The following TMBIM6 variants were observed in gnomAD, a reference collection of about 807,000 sequenced individuals.
TMBIM6 encodes bax inhibitor 1.
A neutral mutation model predicts 31.4 loss-of-function variants in TMBIM6; 13 were observed. The ratio of observed to expected loss-of-function variants is 0.41; its 90% CI spans 0.27 to 0.66. TMBIM6 has a LOEUF of 0.66. Among genes scored for constraint, TMBIM6 ranks in the 30% least tolerant of loss-of-function variants. TMBIM6 has a pLI of 0.28. For missense variants in TMBIM6, 275 were observed against 289.5 expected (o/e 0.95, Z 0.36); for synonymous variants, 85 against 101.7 (o/e 0.84, Z 0.99).
intron 1 of TMBIM6, chr12:49,742,266 G>A: frequency 1.2e-6 from 2 of 1,604,530 alleles, no homozygotes; most frequent in Non-Finnish European, 1.7e-6. Flanking sequence ...TTTCGGATTG[G>A]TTACCTTTGG....
At chr12:49,755,544 C>A in intron 3 of TMBIM6, 91 bp from the exon 4 acceptor site, 1 of 1,501,382 alleles carries the variant, frequency 6.7e-7, no homozygotes, top group South Asian at 1.2e-5. Context: ...TTAGGAAGTT[C>A]AGACGAGTGT....
chr12:49,748,209 TTTTTG>T (rs578203978), intron 1 of TMBIM6, among the ~76,000 whole-genome samples: 8 of 152,208 alleles, frequency 5.3e-5, no homozygotes, highest in East Asian at 3.9e-4. Flanking sequence ...GCCTGTTTTT[TTTTTG>T]TTTTGTTTTG....
chr12:49,742,450 G>C (rs1246620801), intron 1 of TMBIM6: 2 of 931,708 alleles, frequency 2.1e-6, no homozygotes, highest in African/African-American at 3.5e-5. Context: ...TTACTACCCG[G>C]TGCCAGCCCG....
Position 49,764,723 on chromosome 12 carries a change from G to GAAAAAAAAAAAAAAAAAAAAAAAA in TMBIM6, c.*1830_*1831insAAAAAAAAAAAAAAAAAAAAAAAA, listed in dbSNP as rs796338406. ...ATGACAAGATATTAAAAAAAAAAAA[G>GAAAAAAAAAAAAAAAAAAAAAAAA]AAAGAAAAAAAAAAAAACACCTACT... On this transcript the variant is annotated 3_prime_UTR_variant, in exon 10 of 10. Transcript: ENST00000267115. The GAAAAAAAAAAAAAAAAAAAAAAAA allele has an allele frequency of 9.2e-6, 1 of 108,200 alleles. No homozygotes were observed. The allele number at this position is 108,200 out of a possible 1,614,324, so 6.7% of individuals were successfully genotyped here. A position where few individuals can be genotyped will look rare whatever the true frequency, so the allele number is the denominator to read the frequency against.
intron 6 of TMBIM6, 52 bp from the exon 7 acceptor site, chr12:49,758,631 G>A: frequency 6.3e-7 from 1 of 1,595,220 alleles, no homozygotes; most frequent in Non-Finnish European, 8.6e-7. Context: ...TAATGGGATT[G>A]CTTTACTTTG....
intron 4 of TMBIM6, among the ~76,000 whole-genome samples, chr12:49,756,188 T>C (rs916490500): frequency 9.2e-5 from 14 of 151,752 alleles, no homozygotes; most frequent in African/African-American, 3.4e-4. Context: ...GGCTAGAGAG[T>C]GCAGTGGCGT....
chr12:49,749,910 A>G (rs1318286056), intron 1 of TMBIM6: 2 of 152,170 alleles, frequency 1.3e-5, no homozygotes, highest in Non-Finnish European at 2.9e-5. Flanking sequence ...CCATAAAGCT[A>G]ATAAAATTGC....
intron 1 of TMBIM6, among the ~76,000 whole-genome samples, chr12:49,751,340 G>A (rs535121493): frequency 6.6e-6 from 1 of 152,254 alleles, no homozygotes; most frequent in East Asian, 1.9e-4. Flanking sequence ...TAGGAGCACT[G>A]TGTCTGTATG....
At position 49,763,079 on chromosome 12, in the gene TMBIM6, G is replaced by A; in HGVS notation, c.*183G>A. On this transcript the variant is annotated 3_prime_UTR_variant, in exon 10 of 10. Coordinates refer to ENST00000267115, the MANE Select transcript of TMBIM6 (RefSeq NM_003217.3). Reference sequence around the variant, plus strand: ...ACTGATTAGCAGAATATAGTTTGGAGTTTGGCTTCATCTTCCTGGGGTTCC... The same window carrying A: ...ACTGATTAGCAGAATATAGTTTGGAATTTGGCTTCATCTTCCTGGGGTTCC... 1.6e-6 allele frequency: 1 copy of A among 613,772 alleles called. No homozygotes were observed. Among genetic ancestry groups the A allele is most frequent in the Non-Finnish European group, 2.7e-6 (1 of 371,644 alleles). 38.0% of individuals were successfully genotyped at this position (613,772 alleles called of 1,614,324 possible).
Position 49,764,761 on chromosome 12 carries a change from A to G in TMBIM6, c.*1865A>G, listed in dbSNP as rs1049986. The G allele has an allele frequency of 0.2, 30,454 of 150,058 alleles. 5,168 individuals are homozygous for G. The highest frequency in any genetic ancestry group is 0.47 in the African/African-American group (19,008 of 40,064). 9.3% of individuals were successfully genotyped at this position (150,058 alleles called of 1,614,324 possible). A position where few individuals can be genotyped will look rare whatever the true frequency, so the allele number is the denominator to read the frequency against. ...AAAAACACCTACTTTTAAAGAAAAT[A>G]CCTAACAGATTTTTAATATAGTTAT... On this transcript the variant is annotated 3_prime_UTR_variant, in exon 10 of 10. Coordinates refer to ENST00000267115, the MANE Select transcript of TMBIM6 (RefSeq NM_003217.3).
intron 6 of TMBIM6, 65 bp from the exon 7 acceptor site, chr12:49,758,618 C>T (rs976153817): frequency 6.3e-7 from 1 of 1,584,386 alleles, no homozygotes; most frequent in Admixed American, 1.7e-5. Context: ...TAAGGAATGG[C>T]TTTAATGGGA....
chr12:49,761,750 C>G lies in TMBIM6; in HGVS notation c.661C>G (p.Leu221Val), dbSNP rs779240578. 25 of 1,614,204 alleles carry G rather than the reference C, an allele frequency of 1.5e-5. No homozygotes were observed. The highest frequency in any genetic ancestry group is 2.0e-5 in the Non-Finnish European group (24 of 1,180,038). ...AGATTTCATTACTGTCTTCAGAAAA[C>G]TCATGATGATCCTGGCCATGAATGA... ...FLDFITVFRK[L>V]MMILAMNEKD... The change falls in exon 9 of 10, where the codon CTC becomes GTC. Residue 221 changes from leucine (L) to valine (V), a missense_variant. Physicochemically the swap from Leu to Val is conservative, Grantham distance 32 (BLOSUM62 1). Coordinates refer to ENST00000267115, the MANE Select transcript of TMBIM6 (RefSeq NM_003217.3).
At chr12:49,744,276 C>T (rs1390609847) in intron 1 of TMBIM6, 2 of 152,100 alleles carry the variant, frequency 1.3e-5, no homozygotes, top group African/African-American at 2.4e-5. Flanking sequence ...CGTAAACTGC[C>T]CAAGGGTATT....
At chr12:49,741,861 G>T in intron 1 of TMBIM6, 2 of 460,252 alleles carry the variant, frequency 4.3e-6, no homozygotes, top group Admixed American at 4.1e-5. Flanking sequence ...GTTTTGGGGG[G>T]TGTCGAGGCC....
At chr12:49,760,898 G>A (rs923002424) in intron 8 of TMBIM6, among the ~76,000 whole-genome samples, 3 of 151,758 alleles carry the variant, frequency 2.0e-5, no homozygotes, top group African/African-American at 7.3e-5. Context: ...GGAGTGCAAC[G>A]GTGTGATCTT....
In TMBIM6 at chr12:49,755,667, A is replaced by G. The variant is rs1272133267; in HGVS notation, c.198A>G (p.Ile66Met). The G allele has an allele frequency of 1.2e-6, 2 of 1,614,152 alleles. No individual in the cohort carries two copies. Among genetic ancestry groups the G allele is most frequent in the South Asian group, 1.1e-5 (1 of 91,086 alleles). Residue 66 changes from isoleucine (I) to methionine (M), a missense_variant, in exon 4 of 10, where the codon ATA becomes ATG. Physicochemically the swap from Ile to Met is conservative, Grantham distance 10. Transcript: ENST00000267115. ...TGCTGTCTGCCTTGGGCTCCCTGAT[A>G]TTGATGATTTGGCTGATGGCAACAC... ...AGLLSALGSL[I>M]LMIWLMATPH... is the part of the protein sequence containing the mutation.
chr12:49,761,623 G>A (rs1945721169), intron 8 of TMBIM6, 81 bp from the exon 9 acceptor site: 4 of 1,313,804 alleles, frequency 3.0e-6, no homozygotes, highest in Non-Finnish European at 4.3e-6. Context: ...GGGTAGGGGT[G>A]GGGTTTATAT....
chr12:49,744,768 G>C (rs1386843958), intron 1 of TMBIM6, among the ~76,000 whole-genome samples: 1 of 152,144 alleles, frequency 6.6e-6, no homozygotes, highest in Non-Finnish European at 1.5e-5. Context: ...GGTGAAGTGG[G>C]TATGCTGTTT....
chr12:49,761,549 A>G (rs373831256), intron 8 of TMBIM6, among the ~76,000 whole-genome samples, 155 bp from the exon 9 acceptor site: 89 of 150,918 alleles, frequency 5.9e-4, no homozygotes, highest in African/African-American at 2.0e-3. Context: ...AGTCTAAAGG[A>G]TCTCAGACAC....
Sources: gnomAD v4.1 joint callset for allele counts (sites outside exome capture counted in the v4.1 genomes callset) on GRCh38, gnomAD v4.1.1 for gene constraint, MANE v1.5 for transcripts, NCBI Gene and HGNC (gene_info 2026-07-23, HGNC 2026-07-21) for gene names.